The following CCDC192 variants were observed in gnomAD, a reference collection of about 807,000 sequenced individuals.
CCDC192 encodes coiled-coil domain containing 192.
chr5:127,765,313 A>G (rs1293046301), intron 3 of CCDC192, among the ~76,000 whole-genome samples: 1 of 152,242 alleles, frequency 6.6e-6, no homozygotes, highest in Non-Finnish European at 1.5e-5. Context: ...ACATTAAGGA[A>G]ATATGCAAAA....
At chr5:127,929,824 G>C (rs1014551396) in intron 6 of CCDC192, among the ~76,000 whole-genome samples, 1 of 152,110 alleles carries the variant, frequency 6.6e-6, no homozygotes, top group Non-Finnish European at 1.5e-5. Flanking sequence ...TTCATAAGGA[G>C]GTATCCTTAA....
intron 6 of CCDC192, among the ~76,000 whole-genome samples, chr5:127,889,407 CT>C (rs5871279): frequency 0.59 from 76,136 of 128,380 alleles, 20,256 homozygotes; most frequent in Non-Finnish European, 0.61. Flanking sequence ...TTCTTTCTTT[CT>C]TTTTTTTTTT....
chr5:127,728,482 A>G (rs961069747), intron 2 of CCDC192, among the ~76,000 whole-genome samples: 1 of 152,258 alleles, frequency 6.6e-6, no homozygotes, highest in Non-Finnish European at 1.5e-5. Context: ...AATCCTTTTC[A>G]GACAAGCAAA....
intron 6 of CCDC192, among the ~76,000 whole-genome samples, chr5:127,898,382 TA>T (rs1752952061): frequency 6.6e-6 from 1 of 152,168 alleles, no homozygotes; most frequent in East Asian, 1.9e-4. Flanking sequence ...GTGCTGGGAT[TA>T]CAAGCGTGAG....
intron 6 of CCDC192, among the ~76,000 whole-genome samples, chr5:127,927,148 G>C (rs1316953761): frequency 6.6e-6 from 1 of 152,038 alleles, no homozygotes; most frequent in Non-Finnish European, 1.5e-5. Context: ...TTTATGCATG[G>C]TTTTGCTTTC....
chr5:127,774,768 G>A (rs1188392253), intron 3 of CCDC192, among the ~76,000 whole-genome samples: 3 of 152,234 alleles, frequency 2.0e-5, no homozygotes, highest in Middle Eastern at 6.8e-3. Context: ...TTTGAGGACT[G>A]ACTCTCTTAT....
chr5:127,719,551 A>G, intron 2 of CCDC192, among the ~76,000 whole-genome samples: 1 of 23,236 alleles, frequency 4.3e-5, no homozygotes, highest in African/African-American at 1.1e-4. Context: ...ATATATATAT[A>G]TATATATACA....
Position 127,941,212 on chromosome 5 carries a change from G to A in CCDC192, c.566G>A (p.Gly189Asp). Residue 189 changes from glycine to aspartate, a missense_variant, in exon 7 of 7, where the codon GGT becomes GAT. Transcript: ENST00000514853. Reference protein sequence around the residue: ...EDSLLEGFCGGLPPVEEGDRK... With the variant: ...EDSLLEGFCGDLPPVEEGDRK... ...AGCTTGCTGGAAGGGTTCTGTGGAG[G>A]TCTCCCACCTGTGGAAGAAGGTGAT... is the stretch of plus-strand genomic sequence containing the variant. 1 of 399,048 alleles carries A rather than the reference G, an allele frequency of 2.5e-6. No individual in the cohort carries two copies. The allele number at this position is 399,048 out of a possible 1,614,324, so 24.7% of individuals were successfully genotyped here. A position where few individuals can be genotyped will look rare whatever the true frequency, so the allele number is the denominator to read the frequency against.
intron 3 of CCDC192, among the ~76,000 whole-genome samples, chr5:127,774,355 T>C (rs1296942865): frequency 6.6e-6 from 1 of 152,218 alleles, no homozygotes; most frequent in East Asian, 1.9e-4. Context: ...TTTACCCCAG[T>C]GTTTTCTGTT....
intron 3 of CCDC192, among the ~76,000 whole-genome samples, chr5:127,768,825 A>G (rs1012058513): frequency 5.9e-5 from 9 of 152,238 alleles, no homozygotes; most frequent in African/African-American, 1.9e-4. Flanking sequence ...TGTGAGCTAA[A>G]TCTACATTCA....
At chr5:127,885,194 A>G (rs1752520093) in intron 6 of CCDC192, among the ~76,000 whole-genome samples, 1 of 152,192 alleles carries the variant, frequency 6.6e-6, no homozygotes, top group African/African-American at 2.4e-5. Context: ...TGTCAGACAA[A>G]GCACAAGGGA....
At position 127,815,435 on chromosome 5, in the gene CCDC192, TA is replaced by T. The variant is rs573411159; in HGVS notation, c.411+17274del. ...TGTCCATTGGCACATTTGGGGATGA[TA>T]GGGGGTGGGGAAAATCAGGTTTTAC... On this transcript the variant is annotated intron_variant, in intron 5 of 6. Coordinates refer to ENST00000514853, the MANE Select transcript of CCDC192 (RefSeq NM_001317938.2). Among the ~76,000 whole-genome samples, 42 of 152,090 alleles carry T rather than the reference TA, an allele frequency of 2.8e-4. No individual in the cohort carries two copies. In the South Asian group the frequency reaches 7.9e-3, roughly 29 times the overall value.
intron 2 of CCDC192, among the ~76,000 whole-genome samples, chr5:127,747,999 G>A (rs1232616642): frequency 6.8e-6 from 1 of 147,540 alleles, no homozygotes; most frequent in Admixed American, 6.7e-5. Context: ...TGTAGATTCT[G>A]GATATTAGCC....
chr5:127,783,484 G>A (rs1756361189), intron 3 of CCDC192, among the ~76,000 whole-genome samples: 1 of 152,166 alleles, frequency 6.6e-6, no homozygotes. Flanking sequence ...GTCTGAGAGA[G>A]TGCTTAATAT....
At chr5:127,792,426 A>G (rs994935682) in intron 3 of CCDC192, among the ~76,000 whole-genome samples, 8 of 151,980 alleles carry the variant, frequency 5.3e-5, no homozygotes, top group South Asian at 2.1e-4. Context: ...CCATGATTCA[A>G]TTACCTCCCA....
At chr5:127,789,431 A>C (rs1273386507) in intron 3 of CCDC192, among the ~76,000 whole-genome samples, 3 of 152,262 alleles carry the variant, frequency 2.0e-5, no homozygotes, top group Admixed American at 6.5e-5. Context: ...TGGAATCCAG[A>C]GGAAAGCAAT....
intron 5 of CCDC192, among the ~76,000 whole-genome samples, chr5:127,818,846 C>T (rs949683767): frequency 1.6e-4 from 24 of 152,178 alleles, no homozygotes; most frequent in Non-Finnish European, 2.5e-4. Context: ...AGGCATGTCA[C>T]ATATTTTATA....
chr5:127,829,768 G>C (rs2127038592), intron 5 of CCDC192, among the ~76,000 whole-genome samples: 1 of 152,028 alleles, frequency 6.6e-6, no homozygotes, highest in Admixed American at 6.5e-5. Context: ...GATTTTTATG[G>C]AGTCAATTAA....
intron 6 of CCDC192, among the ~76,000 whole-genome samples, chr5:127,937,999 C>T (rs773073898): frequency 6.6e-6 from 1 of 152,040 alleles, no homozygotes; most frequent in Non-Finnish European, 1.5e-5. Context: ...AATGCACCCC[C>T]CTCCACCCCT....
Sources: allele counts gnomAD v4.1 joint callset (sites outside exome capture counted in the v4.1 genomes callset), GRCh38; gene constraint gnomAD v4.1.1; transcripts MANE v1.5; gene names NCBI Gene and HGNC (gene_info 2026-07-23, HGNC 2026-07-21).